The following SIGLEC15 variants were observed in gnomAD, a reference collection of about 807,000 sequenced individuals.
The protein encoded by SIGLEC15 is sialic acid-binding Ig-like lectin 15.
A neutral mutation model predicts 26.2 loss-of-function variants in SIGLEC15; 31 were observed. That is an observed-to-expected ratio of 1.18 (90% CI 0.89 to 1.60). The LOEUF is 1.60. SIGLEC15 is among the 40% of genes most tolerant of loss of function. The pLI is 0.00. For missense variants in SIGLEC15, 501 were observed against 488.4 expected, an observed-to-expected ratio of 1.03 and a Z score of -0.24; for synonymous variants, 207 against 221.9, an observed-to-expected ratio of 0.93 and a Z score of 0.60.
At chr18:45,833,288 G>A (rs1218850096) in intron 1 of SIGLEC15, among the ~76,000 whole-genome samples, 1 of 151,986 alleles carries the variant, frequency 6.6e-6, no homozygotes, top group Admixed American at 6.6e-5. Flanking sequence ...CACCTGATGG[G>A]GTTGTTGTGC....
chr18:45,830,956 A>AT (rs1211563202), intron 1 of SIGLEC15, among the ~76,000 whole-genome samples: 4 of 152,032 alleles, frequency 2.6e-5, no homozygotes, highest in African/African-American at 9.7e-5. Context: ...TCCAAGTATC[A>AT]TTTTCAGACA....
intron 1 of SIGLEC15, among the ~76,000 whole-genome samples, chr18:45,836,159 C>T (rs535053575): frequency 6.6e-6 from 1 of 152,244 alleles, no homozygotes; most frequent in East Asian, 1.9e-4. Context: ...GGCTAAATTA[C>T]CTCAAAAAGC....
At chr18:45,832,931 C>T (rs1411498118) in intron 1 of SIGLEC15, among the ~76,000 whole-genome samples, 2 of 152,084 alleles carry the variant, frequency 1.3e-5, no homozygotes, top group South Asian at 2.1e-4. Context: ...TCCAAGTGCC[C>T]GCTTCTTTGA....
intron 1 of SIGLEC15, among the ~76,000 whole-genome samples, chr18:45,829,946 G>A (rs893804136): frequency 6.6e-6 from 1 of 152,142 alleles, no homozygotes; most frequent in African/African-American, 2.4e-5. Flanking sequence ...CACCCCCTCT[G>A]GCCATTATTC....
chr18:45,827,708 T>G (rs1473067042), intron 1 of SIGLEC15, among the ~76,000 whole-genome samples: 1 of 152,202 alleles, frequency 6.6e-6, no homozygotes. Flanking sequence ...TGGCCCTCAG[T>G]GGCCGCACGA....
intron 1 of SIGLEC15, among the ~76,000 whole-genome samples, chr18:45,828,148 C>G (rs2048201311): frequency 1.3e-5 from 2 of 152,306 alleles, no homozygotes; most frequent in South Asian, 4.1e-4. Flanking sequence ...GCAGGCTCTG[C>G]TCCACCACCG....
intron 1 of SIGLEC15, among the ~76,000 whole-genome samples, chr18:45,828,533 A>G (rs1416752116): frequency 6.6e-6 from 1 of 152,188 alleles, no homozygotes; most frequent in East Asian, 1.9e-4. Context: ...CAAGCCTGTG[A>G]TAGGCAGATA....
chr18:45,842,251 G>C lies in SIGLEC15; in HGVS notation c.*64G>C. Reference sequence around the variant, plus strand: ...AAGAACAAAGGCCAGTGCGAGGCTTGGCTGGCACAGCCAGTCCTGGTTCTC... The same window carrying C: ...AAGAACAAAGGCCAGTGCGAGGCTTCGCTGGCACAGCCAGTCCTGGTTCTC... On this transcript the variant is annotated 3_prime_UTR_variant, in exon 6 of 6. Coordinates refer to ENST00000389474, the MANE Select transcript of SIGLEC15 (RefSeq NM_213602.3). 6.3e-7 allele frequency: 1 copy of C among 1,578,272 alleles called. No homozygotes were observed. The highest frequency in any genetic ancestry group is 8.7e-7 in the Non-Finnish European group (1 of 1,147,940).
rs372465193 is a variant in SIGLEC15, at chr18:45,842,442, T to TGTGTGAGA, written c.*256_*257insTGTGAGAG. On this transcript the variant is annotated 3_prime_UTR_variant, in exon 6 of 6. Coordinates refer to ENST00000389474, the MANE Select transcript of SIGLEC15 (RefSeq NM_213602.3). ...ATACGTCTGTGTGTGTGTGTGTGTG[T>TGTGTGAGA]GAGAGAGAGAGAGAGAGAGTACACG... 27 of 344,964 alleles carry TGTGTGAGA rather than the reference T, an allele frequency of 7.8e-5. No homozygotes were observed. The highest frequency in any genetic ancestry group is 5.5e-4 in the African/African-American group (26 of 46,854). The allele number at this position is 344,964 out of a possible 1,614,324, so 21.4% of individuals were successfully genotyped here.
At chr18:45,833,858 A>G (rs992998189) in intron 1 of SIGLEC15, among the ~76,000 whole-genome samples, 10 of 152,226 alleles carry the variant, frequency 6.6e-5, no homozygotes, top group Non-Finnish European at 1.0e-4. Flanking sequence ...AATGAAGCAC[A>G]TGACATGCTG....
chr18:45,839,447 C>G (rs1440890459), intron 4 of SIGLEC15, among the ~76,000 whole-genome samples: 1 of 152,140 alleles, frequency 6.6e-6, no homozygotes, highest in East Asian at 1.9e-4. Context: ...TAAATAGCAC[C>G]GTTCCTGAGG....
chr18:45,842,406 C>A lies in SIGLEC15; in HGVS notation c.*219C>A. The A allele has an allele frequency of 1.8e-6, 1 of 567,870 alleles. No homozygotes were observed. Among genetic ancestry groups the A allele is most frequent in the Non-Finnish European group, 3.2e-6 (1 of 317,120 alleles). 35.2% of individuals were successfully genotyped at this position (567,870 alleles called of 1,614,324 possible). A position where few individuals can be genotyped will look rare whatever the true frequency, so the allele number is the denominator to read the frequency against. On this transcript the variant is annotated 3_prime_UTR_variant, in exon 6 of 6. Transcript: ENST00000389474. ...CTCCCTGATATTTTTGCCAGCATTTCGTAAATGTGCATACGTCTGTGTGTG... is the reference window on the plus strand; with the variant it reads ...CTCCCTGATATTTTTGCCAGCATTTAGTAAATGTGCATACGTCTGTGTGTG...
intron 1 of SIGLEC15, among the ~76,000 whole-genome samples, chr18:45,835,723 A>G (rs2048270943): frequency 6.6e-6 from 1 of 152,194 alleles, no homozygotes; most frequent in Admixed American, 6.5e-5. Context: ...GCTGGGCATG[A>G]AACACAGTGG....
chr18:45,828,901 G>A (rs570866185), intron 1 of SIGLEC15, among the ~76,000 whole-genome samples: 130 of 152,362 alleles, frequency 8.5e-4, no homozygotes, highest in African/African-American at 3.1e-3. Flanking sequence ...CAGGACCGGA[G>A]GACATGGGCT....
Position 45,838,799 on chromosome 18 carries a change from C to A in SIGLEC15, c.578C>A (p.Pro193Gln). The part of the protein sequence containing the change: ...FRALCTAEGE[P>Q]PPALAWSGPA... ...GCGCTCTGCACTGCCGAAGGGGAGC[C>A]GCCGCCCGCCCTCGCCTGGTCCGGC... The change falls in exon 4 of 6, where the codon CCG becomes CAG. Residue 193 changes from proline (P) to glutamine (Q), a missense_variant. Physicochemically the swap from Pro to Gln is moderately conservative, Grantham distance 76. Coordinates refer to ENST00000389474, the MANE Select transcript of SIGLEC15 (RefSeq NM_213602.3). 1 of 1,559,030 alleles carries A rather than the reference C, an allele frequency of 6.4e-7. No homozygotes were observed. The highest frequency in any genetic ancestry group is 8.6e-7 in the Non-Finnish European group (1 of 1,159,474).
chr18:45,842,271 G>C lies in SIGLEC15; in HGVS notation c.*84G>C. 6.6e-7 allele frequency: 1 copy of C among 1,503,944 alleles called. No homozygotes were observed. The highest frequency in any genetic ancestry group is 9.2e-7 in the Non-Finnish European group (1 of 1,082,826). The allele number at this position is 1,503,944 out of a possible 1,614,324, so 93.2% of individuals were successfully genotyped here. On this transcript the variant is annotated 3_prime_UTR_variant, in exon 6 of 6. Transcript: ENST00000389474. ...GGCTTGGCTGGCACAGCCAGTCCTGGTTCTCGGGCACCTTGGCAGCCCCCA... is the reference window on the plus strand; with the variant it reads ...GGCTTGGCTGGCACAGCCAGTCCTGCTTCTCGGGCACCTTGGCAGCCCCCA...
At chr18:45,836,353 A>G (rs1209415129) in intron 1 of SIGLEC15, among the ~76,000 whole-genome samples, 1 of 152,152 alleles carries the variant, frequency 6.6e-6, no homozygotes, top group Non-Finnish European at 1.5e-5. Context: ...CTTTGGAACT[A>G]CAAGAGCTGC....
Position 45,836,017 on chromosome 18 carries a change from G to A in SIGLEC15, c.53-1012G>A, listed in dbSNP as rs1259298159. 3.9e-5 allele frequency among the ~76,000 whole-genome samples: 6 copies of A among 152,194 alleles called. No homozygotes were observed. In the East Asian group the frequency reaches 5.8e-4, roughly 15 times the overall value. ...AGAGAACAATGGCGGTCCTGTGGGC[G>A]GCCGGAGATTTTGGTTCTGTGCAGA... On this transcript the variant is annotated intron_variant, in intron 1 of 5. Coordinates refer to ENST00000389474, the MANE Select transcript of SIGLEC15 (RefSeq NM_213602.3).
At position 45,837,376 on chromosome 18, in the gene SIGLEC15, G is replaced by T. The variant is rs1599394952; in HGVS notation, c.113-137G>T. 6.8e-5 allele frequency: 88 copies of T among 1,296,504 alleles called. 1 individual carries two copies. The East Asian group carries it at 2.5e-3, about 37-fold the overall frequency. The allele number at this position is 1,296,504 out of a possible 1,614,324, so 80.3% of individuals were successfully genotyped here. On this transcript the variant is annotated intron_variant, in intron 2 of 5. Transcript: ENST00000389474. ...TGGGGTTCCGGCTCCCCTGGAAGTG[G>T]GGGACGATCCCTGAGTCCTGGGGTT...
Sources: gnomAD v4.1 joint callset for allele counts (sites outside exome capture counted in the v4.1 genomes callset) on GRCh38, gnomAD v4.1.1 for gene constraint, MANE v1.5 for transcripts, NCBI Gene and HGNC (gene_info 2026-07-23, HGNC 2026-07-21) for gene names.